The following IPO11 variants were observed in gnomAD, a reference collection of about 807,000 sequenced individuals.
IPO11 encodes importin 11, also known as importin-11.
In IPO11, 66 loss-of-function variants were observed where a neutral mutation model predicts 143.2. That is an observed-to-expected ratio of 0.46 (90% CI 0.38 to 0.57). The LOEUF is 0.57. Ranked by LOEUF, IPO11 falls within the 20% of genes least tolerant of loss-of-function variation. IPO11 has a pLI of 0.00. For synonymous variants in IPO11, 385 were observed against 377.8 expected, an observed-to-expected ratio of 1.02 and a Z score of -0.22; for missense variants, 1,026 against 1,141.0, an observed-to-expected ratio of 0.90 and a Z score of 1.45.
chr5:62,551,949 C>G (rs1743402063), intron 26 of IPO11, among the ~76,000 whole-genome samples: 1 of 151,880 alleles, frequency 6.6e-6, no homozygotes, highest in Non-Finnish European at 1.5e-5. Flanking sequence ...ACAGTGAAAC[C>G]CCATCTCTAC....
intron 20 of IPO11, among the ~76,000 whole-genome samples, chr5:62,521,532 A>G (rs185589312): frequency 6.6e-6 from 1 of 152,080 alleles, no homozygotes; most frequent in Admixed American, 6.5e-5. Flanking sequence ...CAGTTTCATG[A>G]TGGGAGTGCC....
intron 1 of IPO11, among the ~76,000 whole-genome samples, chr5:62,434,133 T>C (rs184371446): frequency 6.6e-6 from 1 of 152,288 alleles, no homozygotes; most frequent in East Asian, 1.9e-4. Context: ...TTCTTCAGTT[T>C]GTTTCTAATC....
chr5:62,434,091 C>T (rs1243266799), intron 1 of IPO11, among the ~76,000 whole-genome samples: 1 of 152,124 alleles, frequency 6.6e-6, no homozygotes, highest in African/African-American at 2.4e-5. Context: ...GCCACTTTCC[C>T]CTTTTCTCAC....
intron 1 of IPO11, among the ~76,000 whole-genome samples, chr5:62,427,817 G>A (rs765463984): frequency 6.6e-6 from 1 of 152,178 alleles, no homozygotes; most frequent in Non-Finnish European, 1.5e-5. Flanking sequence ...TACCAAAAAG[G>A]TTGGGGGCTG....
rs70981015 is a variant in IPO11 at position 62,470,816 on chromosome 5, C to CTTTTTTTTTTTT, written c.708+526_708+537dup. On this transcript the variant is annotated intron_variant, in intron 7 of 29. Transcript: ENST00000325324. ...TTCATTGTCTGTAGATAGCCATCTT[C>CTTTTTTTTTTTT]TTTTTTTTTTTTTTTTTTTTTTTTT... is the stretch of plus-strand genomic sequence containing the variant. 2.0e-3 allele frequency among the ~76,000 whole-genome samples: 127 copies of CTTTTTTTTTTTT among 62,558 alleles called. 17 individuals carry two copies. Among genetic ancestry groups the CTTTTTTTTTTTT allele is most frequent in the East Asian group, 0.011 (16 of 1,418 alleles). The allele number at this position is 62,558 out of a possible 152,430, so 41.0% of individuals were successfully genotyped here.
At chr5:62,567,961 TTTGA>T (rs568699548) in intron 27 of IPO11, among the ~76,000 whole-genome samples, 19 of 151,756 alleles carry the variant, frequency 1.3e-4, no homozygotes, top group Admixed American at 2.0e-4. Flanking sequence ...ATTTTTCTCT[TTTGA>T]TTGATTGATT....
At chr5:62,590,875 T>G (rs1561376951) in intron 27 of IPO11, among the ~76,000 whole-genome samples, 1 of 152,130 alleles carries the variant, frequency 6.6e-6, no homozygotes, top group Admixed American at 6.6e-5. Context: ...TGTATCTTCT[T>G]TGGTGAAATG....
intron 20 of IPO11, among the ~76,000 whole-genome samples, chr5:62,522,327 C>T (rs1742230161): frequency 6.6e-6 from 1 of 151,714 alleles, no homozygotes; most frequent in South Asian, 2.1e-4. Flanking sequence ...CTCTGTTGCC[C>T]AGGCTGGAGT....
At chr5:62,470,985 G>T (rs565234283) in intron 7 of IPO11, among the ~76,000 whole-genome samples, 3 of 151,342 alleles carry the variant, frequency 2.0e-5, no homozygotes, top group Non-Finnish European at 2.9e-5. Flanking sequence ...GCACCACCAT[G>T]CCCAGCTAAT....
At chr5:62,437,212 T>G in intron 1 of IPO11, 62 bp from the exon 2 acceptor site, 3 of 1,334,620 alleles carry the variant, frequency 2.2e-6, no homozygotes, top group Non-Finnish European at 3.1e-6. Flanking sequence ...CTCCATTTAT[T>G]TTACTGTTAA....
At chr5:62,461,581 A>C (rs152215) in intron 5 of IPO11, among the ~76,000 whole-genome samples, 89,286 of 152,002 alleles carry the variant, frequency 0.59, 26,506 homozygotes, top group South Asian at 0.68. Context: ...GACCTTTCGT[A>C]GGCTAGCTAG....
At chr5:62,464,432 C>T (rs142167501) in intron 5 of IPO11, among the ~76,000 whole-genome samples, 15 of 151,842 alleles carry the variant, frequency 9.9e-5, no homozygotes, top group African/African-American at 3.6e-4. Flanking sequence ...AGCCACTGTG[C>T]CCAGCTGGTT....
chr5:62,588,814 C>A (rs1218022736), intron 27 of IPO11, among the ~76,000 whole-genome samples: 1 of 152,150 alleles, frequency 6.6e-6, no homozygotes, highest in Admixed American at 6.6e-5. Flanking sequence ...TGTTACAAAT[C>A]TAGGGCATTC....
chr5:62,445,328 C>T (rs1226311326), intron 3 of IPO11, among the ~76,000 whole-genome samples: 3 of 152,012 alleles, frequency 2.0e-5, no homozygotes, highest in Admixed American at 2.0e-4. Flanking sequence ...TGTCCAATTT[C>T]TGCTTGACAT....
At chr5:62,488,561 C>T (rs567967386) in intron 13 of IPO11, among the ~76,000 whole-genome samples, 8 of 152,232 alleles carry the variant, frequency 5.3e-5, no homozygotes, top group African/African-American at 9.6e-5. Context: ...GATATACTTT[C>T]GGAGTGCATG....
At chr5:62,594,674 C>T (rs1466279779) in intron 28 of IPO11, among the ~76,000 whole-genome samples, 2 of 152,168 alleles carry the variant, frequency 1.3e-5, no homozygotes, top group Non-Finnish European at 2.9e-5. Flanking sequence ...CAAAATTAGC[C>T]ATCACACTAA....
intron 14 of IPO11, 24 bp downstream of exon 14, chr5:62,489,373 G>T: frequency 6.6e-7 from 1 of 1,508,224 alleles, no homozygotes; most frequent in Non-Finnish European, 9.0e-7. Context: ...AAGTGATTTA[G>T]AAGCATTTAT....
At chr5:62,417,024 C>T (rs185387544) in intron 1 of IPO11, among the ~76,000 whole-genome samples, 47 of 152,152 alleles carry the variant, frequency 3.1e-4, no homozygotes, top group Non-Finnish European at 6.6e-4. Context: ...GGTGAGCCAC[C>T]GTGCCTGGCC....
In IPO11 at chr5:62,491,756, C is replaced by G. The variant is rs575563036; in HGVS notation, c.1463+1536C>G. On this transcript the variant is annotated intron_variant, in intron 15 of 29. Transcript: ENST00000325324. ...TCTCGACTCACTGCAAGCTCTGCCT[C>G]CCGGGTTCATGCCGTTCTCCTGCCT... 2.9e-3 allele frequency among the ~76,000 whole-genome samples: 436 copies of G among 150,652 alleles called. 14 individuals are homozygous for G. The highest frequency in any genetic ancestry group is 0.027 in the Admixed American group (405 of 15,126).
Sources: allele counts gnomAD v4.1 joint callset (sites outside exome capture counted in the v4.1 genomes callset), GRCh38; gene constraint gnomAD v4.1.1; transcripts MANE v1.5; gene names NCBI Gene and HGNC (gene_info 2026-07-23, HGNC 2026-07-21).